The following ATL1 variants were observed in gnomAD, a reference collection of about 807,000 sequenced individuals.
ATL1 encodes atlastin GTPase 1.
In ATL1, 31 loss-of-function variants were observed where a neutral mutation model predicts 75.5. That is an observed-to-expected ratio of 0.41 (90% confidence interval 0.31 to 0.55). The LOEUF (loss-of-function observed/expected upper bound fraction) is 0.55, where lower values mean the gene tolerates loss of function less well. Among genes scored for constraint, ATL1 ranks in the 20% least tolerant of loss-of-function variants. The probability of loss-of-function intolerance (pLI) is 0.27; values close to 1 mark genes in which losing one functional copy is unlikely to be tolerated. For synonymous variants in ATL1, 226 were observed against 233.3 expected (o/e 0.97, Z 0.28); for missense variants, 405 against 662.6 (o/e 0.61, Z 4.27).
intron 1 of ATL1, among the ~76,000 whole-genome samples, chr14:50,574,935 G>GTATA (rs1446555904): frequency 4.6e-3 from 159 of 34,534 alleles, no homozygotes; most frequent in Non-Finnish European, 5.4e-3. Flanking sequence ...GTGTGTGTGT[G>GTATA]TGTATATATA....
At chr14:50,602,725 T>A (rs1566727792) in intron 6 of ATL1, among the ~76,000 whole-genome samples, 1 of 152,144 alleles carries the variant, frequency 6.6e-6, no homozygotes, top group Non-Finnish European at 1.5e-5. Flanking sequence ...TTTCTGGACC[T>A]TTTTGAGGCC....
chr14:50,602,665 G>A lies in ATL1; in HGVS notation c.630+7033G>A, dbSNP rs79384765. 1.2e-3 allele frequency among the ~76,000 whole-genome samples: 176 copies of A among 152,144 alleles called. 2 individuals are homozygous for A. The East Asian group carries it at 0.031, about 27-fold the overall frequency. ...AGCAAATTTAAATAGTGGTCACGAA[G>A]TTCCTGAGCCTTGGTTCCTTTAAGG... On this transcript the variant is annotated intron_variant, in intron 6 of 13. Transcript: ENST00000358385.
chr14:50,546,021 A>C (rs1210554346), intron 1 of ATL1, among the ~76,000 whole-genome samples: 1 of 152,202 alleles, frequency 6.6e-6, no homozygotes, highest in Non-Finnish European at 1.5e-5. Flanking sequence ...GTTGAAATCA[A>C]ACTCACTGTT....
chr14:50,554,243 G>T (rs2038738615), intron 1 of ATL1, among the ~76,000 whole-genome samples: 1 of 152,048 alleles, frequency 6.6e-6, no homozygotes, highest in Non-Finnish European at 1.5e-5. Context: ...TATATAACCC[G>T]ATTAAGCTTC....
intron 8 of ATL1, among the ~76,000 whole-genome samples, chr14:50,618,386 A>G (rs899481881): frequency 6.6e-6 from 1 of 152,204 alleles, no homozygotes; most frequent in African/African-American, 2.4e-5. Context: ...GCAAACCACA[A>G]TAATAAATCT....
At chr14:50,550,183 T>C (rs1372318642) in intron 1 of ATL1, among the ~76,000 whole-genome samples, 1 of 152,206 alleles carries the variant, frequency 6.6e-6, no homozygotes, top group Admixed American at 6.5e-5. Flanking sequence ...GCAGATTGCA[T>C]AGGCAAGGCT....
chr14:50,545,851 T>A (rs1383913252), intron 1 of ATL1, among the ~76,000 whole-genome samples: 1 of 152,200 alleles, frequency 6.6e-6, no homozygotes, highest in African/African-American at 2.4e-5. Context: ...TTATGACTCA[T>A]CCTTGTGCAC....
chr14:50,587,781 C>A (rs1476559265), intron 1 of ATL1, 50 bp from the exon 2 acceptor site: 30 of 1,613,190 alleles, frequency 1.9e-5, no homozygotes, highest in Non-Finnish European at 2.3e-5. Flanking sequence ...ATATACATTT[C>A]TTGGCACTTT....
chr14:50,587,557 G>A (rs1166236547), intron 1 of ATL1, among the ~76,000 whole-genome samples: 2 of 150,738 alleles, frequency 1.3e-5, no homozygotes, highest in East Asian at 2.0e-4. Context: ...CCACAGGCAC[G>A]TGCTACCACA....
intron 1 of ATL1, among the ~76,000 whole-genome samples, chr14:50,535,472 ACT>A (rs1001809958): frequency 4.9e-4 from 74 of 152,326 alleles, no homozygotes; most frequent in African/African-American, 1.7e-3. Context: ...TCAACATGTA[ACT>A]CTATGATTCA....
chr14:50,629,887 G>T, intron 12 of ATL1, 108 bp from the exon 13 acceptor site: 1 of 788,752 alleles, frequency 1.3e-6, no homozygotes, highest in Non-Finnish European at 1.9e-6. Context: ...AGGAGTATCT[G>T]TTCTGAAATG....
At chr14:50,607,290 C>T (rs1566729125) in intron 6 of ATL1, among the ~76,000 whole-genome samples, 2 of 152,132 alleles carry the variant, frequency 1.3e-5, no homozygotes, top group East Asian at 3.9e-4. Context: ...AAAAACAAAG[C>T]TAAACTTATT....
chr14:50,575,928 A>C (rs1174212814), intron 1 of ATL1, among the ~76,000 whole-genome samples: 1 of 152,198 alleles, frequency 6.6e-6, no homozygotes, highest in African/African-American at 2.4e-5. Flanking sequence ...ACATAGAATG[A>C]AAAAGTCCCC....
At chr14:50,632,143 T>G (rs1375206440) in intron 13 of ATL1, 86 bp from the exon 14 acceptor site, 2 of 776,682 alleles carry the variant, frequency 2.6e-6, no homozygotes, top group Non-Finnish European at 4.2e-6. Context: ...TGCTAAATTT[T>G]ATACAGTACG....
chr14:50,539,934 G>A (rs1215342735), intron 1 of ATL1, among the ~76,000 whole-genome samples: 1 of 152,100 alleles, frequency 6.6e-6, no homozygotes, highest in Non-Finnish European at 1.5e-5. Context: ...GATTTGCTCT[G>A]TTATAGTCAT....
At chr14:50,547,399 T>C (rs2038646967) in intron 1 of ATL1, among the ~76,000 whole-genome samples, 1 of 152,184 alleles carries the variant, frequency 6.6e-6, no homozygotes, top group African/African-American at 2.4e-5. Flanking sequence ...ATCTGTTATG[T>C]AGGGGAAGCA....
intron 2 of ATL1, among the ~76,000 whole-genome samples, chr14:50,588,365 A>G (rs1221611798): frequency 1.3e-5 from 2 of 152,216 alleles, no homozygotes; most frequent in African/African-American, 2.4e-5. Flanking sequence ...CTTAAATGTT[A>G]TAGTGTTTAA....
At chr14:50,573,078 G>A (rs1199735578) in intron 1 of ATL1, among the ~76,000 whole-genome samples, 1 of 152,010 alleles carries the variant, frequency 6.6e-6, no homozygotes, top group African/African-American at 2.4e-5. Context: ...CAGCATGGGG[G>A]AACTATCCCC....
intron 1 of ATL1, among the ~76,000 whole-genome samples, chr14:50,539,534 G>A (rs958870835): frequency 6.6e-5 from 10 of 152,188 alleles, no homozygotes; most frequent in African/African-American, 2.4e-4. Flanking sequence ...TTAATTAAAC[G>A]TGAGACCCAG....
Sources: allele counts gnomAD v4.1 joint callset (sites outside exome capture counted in the v4.1 genomes callset), GRCh38; gene constraint gnomAD v4.1.1; transcripts MANE v1.5; gene names NCBI Gene and HGNC (gene_info 2026-07-23, HGNC 2026-07-21).